Variants in ZBTB10 observed in about 807,000 individuals in gnomAD.
ZBTB10 encodes zinc finger and BTB domain containing 10.
Under a neutral mutation model 76.4 loss-of-function variants are expected in ZBTB10, and 32 were observed. The observed-to-expected ratio is 0.42, with a 90% confidence interval of 0.32 to 0.56. The LOEUF (loss-of-function observed/expected upper bound fraction) is 0.56, where lower values mean the gene tolerates loss of function less well. Among genes scored for constraint, ZBTB10 ranks in the 20% least tolerant of loss-of-function variants. The pLI is 0.14. For missense variants in ZBTB10, 1,057 were observed against 1,098.5 expected (o/e 0.96, Z 0.53); for synonymous variants, 523 against 432.9 (o/e 1.21, Z -2.58).
rs79949155 is a variant in ZBTB10 at position 80,511,772 on chromosome 8, A to C, written c.1862-2138A>C. ...ACCAAAAAACCAAATTATTCTTCAG[A>C]TACCATGAATTAAAACTAAACTTTG... On this transcript the variant is annotated intron_variant, in intron 2 of 5. Transcript: ENST00000455036. Among the ~76,000 whole-genome samples the C allele has an allele frequency of 5.5e-3, 840 of 152,342 alleles. 7 individuals carry two copies. Among genetic ancestry groups the C allele is most frequent in the African/African-American group, 0.019 (781 of 41,566 alleles).
chr8:80,499,601 AG>A lies in ZBTB10; in HGVS notation c.1082del (p.Gly361ValfsTer10). The A allele has an allele frequency of 6.2e-7, 1 of 1,613,998 alleles. No individual in the cohort carries two copies. Among genetic ancestry groups the A allele is most frequent in the Non-Finnish European group, 8.5e-7 (1 of 1,179,864 alleles). On this transcript the variant is annotated frameshift_variant, in exon 2 of 6. Transcript: ENST00000455036. LOFTEE classifies it high-confidence loss of function. ...LRQLNEQRKK[G>X]ILCDVSIVVS... is the part of the protein sequence containing the mutation. ...GACAACTAAATGAACAGAGAAAGAA[AG>A]GTATTCTTTGTGATGTCAGCATTGT... is the stretch of plus-strand genomic sequence containing the variant.
chr8:80,510,639 AGTGTGTGTGTGTGTGTGTGT>A (rs58749656), intron 2 of ZBTB10, among the ~76,000 whole-genome samples: 1 of 125,688 alleles, frequency 8.0e-6, no homozygotes, highest in Non-Finnish European at 1.7e-5. Flanking sequence ...TTGTGAAACC[AGTGTGTGTGTGTGTGTGTGT>A]GTGTGTGTGT....
At position 80,517,557 on chromosome 8, in the gene ZBTB10, G is replaced by GC. The variant is rs145300458; in HGVS notation, c.1961-843dup. ...AACCCTGAGAGCATTCAGTTACCTT[G>GC]CCCTAATATGTCTGAAACAAGGATC... On this transcript the variant is annotated intron_variant, in intron 3 of 5. Transcript: ENST00000455036. Among the ~76,000 whole-genome samples the GC allele has an allele frequency of 5.4e-3, 825 of 152,198 alleles. 8 individuals are homozygous for GC. The highest frequency in any genetic ancestry group is 0.018 in the African/African-American group (743 of 41,532).
At chr8:80,517,871 C>CTTTTTTTTTTTTTTTTTTTTTTTTTTTTT (rs773074047) in intron 3 of ZBTB10, among the ~76,000 whole-genome samples, 4 of 76,842 alleles carry the variant, frequency 5.2e-5, no homozygotes, top group Non-Finnish European at 4.6e-5. Flanking sequence ...CGCCCGCCAC[C>CTTTTTTTTTTTTTTTTTTTTTTTTTTTTT]TTTTTTTTTT....
In ZBTB10 at chr8:80,486,384, G is replaced by A. The variant is rs1815449972; in HGVS notation, c.-427G>A. On this transcript the variant is annotated 5_prime_UTR_variant, in exon 1 of 6. Transcript: ENST00000455036. Reference sequence around the variant, plus strand: ...CGTCGGGACTCCTCGGCGCGCGGAGGAAGGATATCTGTGTGGAGGATCGGT... The same window carrying A: ...CGTCGGGACTCCTCGGCGCGCGGAGAAAGGATATCTGTGTGGAGGATCGGT... The A allele has an allele frequency of 3.0e-6, 3 of 990,650 alleles. No homozygotes were observed. Among genetic ancestry groups the A allele is most frequent in the Non-Finnish European group, 3.6e-6 (3 of 834,170 alleles). The allele number at this position is 990,650 out of a possible 1,614,324, so 61.4% of individuals were successfully genotyped here.
chr8:80,502,729 C>CG (rs1815956061), intron 2 of ZBTB10, among the ~76,000 whole-genome samples: 1 of 129,780 alleles, frequency 7.7e-6, no homozygotes, highest in African/African-American at 4.0e-5. Context: ...CTGTAAAGGG[C>CG]TAAAACAGTA....
Position 80,487,063 on chromosome 8 carries a change from G to C in ZBTB10, c.253G>C (p.Ala85Pro). ...CCTGGAGGCCTCCGCCGGGCCGGCCGCCGGCGCCGCCGAGGAAGCCAAGGA... is the reference window on the plus strand; with the variant it reads ...CCTGGAGGCCTCCGCCGGGCCGGCCCCCGGCGCCGCCGAGGAAGCCAAGGA... The part of the protein sequence containing the change: ...QDLEASAGPA[A>P]GAAEEAKELL... The change falls in exon 1 of 6, where the codon GCC (alanine) becomes CCC (proline). Residue 85 changes from alanine (A) to proline (P), a missense_variant. Physicochemically the swap from Ala to Pro is conservative, Grantham distance 27 (BLOSUM62 -1). Coordinates refer to ENST00000455036, the MANE Select transcript of ZBTB10 (RefSeq NM_001105539.3). 3 of 1,515,334 alleles carry C rather than the reference G, an allele frequency of 2.0e-6. No homozygotes were observed. Among genetic ancestry groups the C allele is most frequent in the Non-Finnish European group, 2.6e-6 (3 of 1,138,714 alleles). The allele number at this position is 1,515,334 out of a possible 1,614,324, so 93.9% of individuals were successfully genotyped here. A position where few individuals can be genotyped will look rare whatever the true frequency, so the allele number is the denominator to read the frequency against.
chr8:80,518,804 C>G lies in ZBTB10; in HGVS notation c.2160C>G (p.Asn720Lys). The G allele has an allele frequency of 6.2e-7, 1 of 1,611,320 alleles. No individual in the cohort carries two copies. The highest frequency in any genetic ancestry group is 8.5e-7 in the Non-Finnish European group (1 of 1,178,980). Residue 720 changes from asparagine (N) to lysine (K), a missense_variant, in exon 5 of 6, where the codon AAC becomes AAG. Asn to Lys is a moderately conservative substitution (Grantham distance 94). Coordinates refer to ENST00000455036, the MANE Select transcript of ZBTB10 (RefSeq NM_001105539.3). Reference sequence around the variant, plus strand: ...TAGGTGAATCATCTCTAATCATGAACAAGTTAAAATGCCCTCATTGTAGCT... The same window carrying G: ...TAGGTGAATCATCTCTAATCATGAAGAAGTTAAAATGCCCTCATTGTAGCT... Reference protein sequence around the residue: ...WENGESSLIMNKLKCPHCSYV... With the variant: ...WENGESSLIMKKLKCPHCSYV...
At position 80,510,639 on chromosome 8, in the gene ZBTB10, AGTGTGTGT is replaced by A. The variant is rs58749656; in HGVS notation, c.1862-3238_1862-3231del. Among the ~76,000 whole-genome samples, 161 of 125,776 alleles carry A rather than the reference AGTGTGTGT, an allele frequency of 1.3e-3. 1 individual carries two copies. Among genetic ancestry groups the A allele is most frequent in the East Asian group, 5.8e-3 (28 of 4,838 alleles). 82.5% of individuals were successfully genotyped at this position (125,776 alleles called of 152,430 possible). ...AAAATAGCCGTCATTTTGTGAAACC[AGTGTGTGT>A]GTGTGTGTGTGTGTGTGTGTGTGTG... On this transcript the variant is annotated intron_variant, in intron 2 of 5. Transcript: ENST00000455036.
chr8:80,499,844 C>A lies in ZBTB10; in HGVS notation c.1323C>A (p.Thr441=), dbSNP rs767010302. The change falls in exon 2 of 6, where the codon ACC becomes ACA. Residue 441 remains threonine (T), a synonymous_variant. Coordinates refer to ENST00000455036, the MANE Select transcript of ZBTB10 (RefSeq NM_001105539.3). Reference sequence around the variant, plus strand: ...GCCAAAATGCCATTGAAGTTATGACCGTGGCCAGCTATCTTCAAATGAGTG... The same window carrying A: ...GCCAAAATGCCATTGAAGTTATGACAGTGGCCAGCTATCTTCAAATGAGTG... ...LTSQNAIEVM[T]VASYLQMSEV... is the part of the protein sequence containing the mutation. 5.6e-6 allele frequency: 9 copies of A among 1,613,898 alleles called. No individual in the cohort carries two copies. The highest frequency in any genetic ancestry group is 6.8e-6 in the Non-Finnish European group (8 of 1,179,852).
In ZBTB10 at chr8:80,525,831, C is replaced by CT. The variant is rs1253068624; in HGVS notation, c.*6306dup. On this transcript the variant is annotated 3_prime_UTR_variant, in exon 6 of 6. Transcript: ENST00000455036. ...AGTGAGTGACAAAAGGCACTAGCAA[C>CT]TTTAAGGATTTTGCCTATTAGTATC... 1.3e-5 allele frequency: 2 copies of CT among 152,168 alleles called. No homozygotes were observed. The highest frequency in any genetic ancestry group is 4.8e-5 in the African/African-American group (2 of 41,448). 9.4% of individuals were successfully genotyped at this position (152,168 alleles called of 1,614,324 possible).
rs776776805 is a variant in ZBTB10 at position 80,500,281 on chromosome 8, A to G, written c.1760A>G (p.Asn587Ser). The G allele has an allele frequency of 1.3e-5, 20 of 1,575,154 alleles. No homozygotes were observed. In the South Asian group the frequency reaches 2.2e-4, roughly 17 times the overall value. ...CAAACTACAAAAAGATTTATTTATA[A>G]TATTCCACCTAATAATGAAACGAAT... ...KNQTTKRFIY[N>S]IPPNNETNLE... The change falls in exon 2 of 6, where the codon AAT (asparagine) becomes AGT (serine). Residue 587 changes from asparagine (N) to serine (S), a missense_variant. Coordinates refer to ENST00000455036, the MANE Select transcript of ZBTB10 (RefSeq NM_001105539.3).
intron 1 of ZBTB10, among the ~76,000 whole-genome samples, chr8:80,488,362 A>T (rs1237186407): frequency 6.6e-6 from 1 of 152,156 alleles, no homozygotes; most frequent in Non-Finnish European, 1.5e-5. Context: ...CTTGTGAATA[A>T]TTTTACTAAA....
At position 80,497,683 on chromosome 8, in the gene ZBTB10, C is replaced by CTTTTTT. The variant is rs397891910; in HGVS notation, c.973-1793_973-1788dup. ...AAACAGTTGAAGTGTGTCCTGGAAT[C>CTTTTTT]TTTTTTTTTTTTTTTTTTTTTTTGA... On this transcript the variant is annotated intron_variant, in intron 1 of 5. Coordinates refer to ENST00000455036, the MANE Select transcript of ZBTB10 (RefSeq NM_001105539.3). Among the ~76,000 whole-genome samples, 261 of 87,640 alleles carry CTTTTTT rather than the reference C, an allele frequency of 3.0e-3. 5 individuals are homozygous for CTTTTTT. Among genetic ancestry groups the CTTTTTT allele is most frequent in the South Asian group, 0.012 (22 of 1,860 alleles). The allele number at this position is 87,640 out of a possible 152,430, so 57.5% of individuals were successfully genotyped here.
At chr8:80,491,293 G>GGA (rs1815624212) in intron 1 of ZBTB10, among the ~76,000 whole-genome samples, 3 of 152,180 alleles carry the variant, frequency 2.0e-5, no homozygotes, top group Admixed American at 6.5e-5. Context: ...ATAGTGTACA[G>GGA]ATTTGTAGTC....
At chr8:80,517,534 C>T (rs1816353897) in intron 3 of ZBTB10, among the ~76,000 whole-genome samples, 1 of 152,078 alleles carries the variant, frequency 6.6e-6, no homozygotes, top group Non-Finnish European at 1.5e-5. Context: ...TTTCAGGGAA[C>T]CCTGAGAGCA....
chr8:80,500,472 A>G, intron 2 of ZBTB10, 90 bp downstream of exon 2: 2 of 1,281,774 alleles, frequency 1.6e-6, no homozygotes, highest in Non-Finnish European at 2.1e-6. Context: ...GAATTATTTT[A>G]GTTATAAAGT....
chr8:80,516,680 G>T (rs77949857), intron 3 of ZBTB10, among the ~76,000 whole-genome samples: 2,189 of 152,290 alleles, frequency 0.014, 35 homozygotes, highest in Non-Finnish European at 0.022. Context: ...ACCGGTGACG[G>T]TATTCCAAGT....
upstream of ZBTB10, chr8:80,485,888 G>A (rs1305703532): frequency 6.5e-7 from 1 of 1,535,452 alleles, no homozygotes; most frequent in Non-Finnish European, 8.7e-7. Flanking sequence ...GGGTAGGTGC[G>A]TGTGGGCAGC....
Sources: gnomAD v4.1 joint callset for allele counts (sites outside exome capture counted in the v4.1 genomes callset) on GRCh38, gnomAD v4.1.1 for gene constraint, MANE v1.5 for transcripts, NCBI Gene and HGNC (gene_info 2026-07-23, HGNC 2026-07-21) for gene names.